The following NSUN7 variants were observed in gnomAD, a reference collection of about 807,000 sequenced individuals.
NSUN7 encodes the protein protein NSUN7.
In NSUN7, 39 loss-of-function variants were observed where a neutral mutation model predicts 58.5. The observed-to-expected ratio is 0.67, with a 90% CI of 0.52 to 0.87. The LOEUF is 0.87. Ranked by LOEUF, NSUN7 falls within the 40% of genes least tolerant of loss-of-function variation. NSUN7 has a pLI of 0.00. For missense variants in NSUN7, 765 were observed against 844.1 expected, an observed-to-expected ratio of 0.91 and a Z score of 1.16; for synonymous variants, 278 against 303.7, an observed-to-expected ratio of 0.92 and a Z score of 0.88.
chr4:40,755,136 C>G (rs1741075500), intron 2 of NSUN7, among the ~76,000 whole-genome samples: 1 of 152,196 alleles, frequency 6.6e-6, no homozygotes, highest in Non-Finnish European at 1.5e-5. Context: ...GTCGCCCAGA[C>G]TGGAGTGCAG....
In NSUN7 at chr4:40,810,577, C is replaced by CAAAAAAAAAAAAAAAAAAA. The variant is rs11405521; in HGVS notation, c.*1644_*1662dup. 1 of 66,378 alleles carries CAAAAAAAAAAAAAAAAAAA rather than the reference C, an allele frequency of 1.5e-5. No individual in the cohort carries two copies. The highest frequency in any genetic ancestry group is 2.7e-5 in the Non-Finnish European group (1 of 36,400). The allele number at this position is 66,378 out of a possible 1,614,324, so 4.1% of individuals were successfully genotyped here. A position where few individuals can be genotyped will look rare whatever the true frequency, so the allele number is the denominator to read the frequency against. On this transcript the variant is annotated 3_prime_UTR_variant, in exon 12 of 12. Coordinates refer to ENST00000381782, the MANE Select transcript of NSUN7 (RefSeq NM_024677.6). ...TGGGAAGCAGAGTGAGACCTTGCCT[C>CAAAAAAAAAAAAAAAAAAA]AAAAAAAAAAAAAAAAAAAAAAAAG...
Position 40,783,213 on chromosome 4 carries a change from T to G in NSUN7, c.1036+6954T>G, listed in dbSNP as rs147500661. Reference sequence around the variant, plus strand: ...AAATTGAAAGTTCAGAAATAAACCCTTACATTTATGGTCAGACTTTCAACA... The same window carrying G: ...AAATTGAAAGTTCAGAAATAAACCCGTACATTTATGGTCAGACTTTCAACA... On this transcript the variant is annotated intron_variant, in intron 7 of 11. Transcript: ENST00000381782. Among the ~76,000 whole-genome samples, 772 of 152,294 alleles carry G rather than the reference T, an allele frequency of 5.1e-3. 2 individuals are homozygous for G. The highest frequency in any genetic ancestry group is 8.1e-3 in the Non-Finnish European group (548 of 68,024).
chr4:40,781,549 C>T (rs1377898990), intron 7 of NSUN7, among the ~76,000 whole-genome samples: 3 of 152,068 alleles, frequency 2.0e-5, no homozygotes, highest in South Asian at 2.1e-4. Context: ...TGGGCCCCAT[C>T]GATACTCCTG....
chr4:40,799,905 TA>T (rs1482693611), intron 10 of NSUN7, among the ~76,000 whole-genome samples: 2 of 152,190 alleles, frequency 1.3e-5, no homozygotes, highest in Non-Finnish European at 2.9e-5. Context: ...TGCAAATTTG[TA>T]ATTTTTTTTG....
At chr4:40,764,198 G>C in intron 4 of NSUN7, among the ~76,000 whole-genome samples, 1 of 148,880 alleles carries the variant, frequency 6.7e-6, no homozygotes, top group South Asian at 2.2e-4. Context: ...TTTAGCATTA[G>C]GTATATCTCC....
intron 4 of NSUN7, among the ~76,000 whole-genome samples, chr4:40,768,315 C>A (rs540835782): frequency 6.6e-6 from 1 of 151,908 alleles, no homozygotes; most frequent in East Asian, 1.9e-4. Flanking sequence ...AGTTCTCCTG[C>A]CTCAGCCTCC....
chr4:40,761,229 T>C lies in NSUN7; in HGVS notation c.416T>C (p.Phe139Ser). Residue 139 changes from phenylalanine (F) to serine (S), a missense_variant, in exon 4 of 12, where the codon TTT (phenylalanine) becomes TCT (serine). Transcript: ENST00000381782. ...VMLYDFQDRK[F>S]QTRVLSDNEE... ...CTATATGATTTCCAAGATAGAAAAT[T>C]TCAAACTCGTGTCCTTTCTGATAAT... is the stretch of plus-strand genomic sequence containing the variant. 1 of 1,585,134 alleles carries C rather than the reference T, an allele frequency of 6.3e-7. No individual in the cohort carries two copies. Among genetic ancestry groups the C allele is most frequent in the Non-Finnish European group, 8.5e-7 (1 of 1,171,054 alleles).
chr4:40,801,901 C>CAAAAAAAAAA (rs56868885), intron 10 of NSUN7, among the ~76,000 whole-genome samples: 5 of 107,376 alleles, frequency 4.7e-5, no homozygotes, highest in Admixed American at 1.8e-4. Context: ...GACTCTGTCT[C>CAAAAAAAAAA]AAAAAAAAAA....
In NSUN7 at chr4:40,750,647, G is replaced by C. The variant is rs758756659; in HGVS notation, c.-47G>C. On this transcript the variant is annotated 5_prime_UTR_variant, in exon 2 of 12. Transcript: ENST00000381782. ...AGGAAAGCCGTTTCCTGGAACATCG[G>C]AATTCTAACCCCAGGGTGAAGGACT... 6.3e-7 allele frequency: 1 copy of C among 1,590,950 alleles called. No individual in the cohort carries two copies. Among genetic ancestry groups the C allele is most frequent in the Non-Finnish European group, 8.6e-7 (1 of 1,167,166 alleles).
At chr4:40,771,921 T>A (rs1282495823) in intron 4 of NSUN7, among the ~76,000 whole-genome samples, 1 of 151,886 alleles carries the variant, frequency 6.6e-6, no homozygotes, top group Non-Finnish European at 1.5e-5. Flanking sequence ...TTTTCATCAT[T>A]GCAGTCCTCC....
chr4:40,803,294 A>G (rs1232005885), intron 10 of NSUN7, among the ~76,000 whole-genome samples: 2 of 152,094 alleles, frequency 1.3e-5, no homozygotes, highest in African/African-American at 2.4e-5. Flanking sequence ...TCCTTTGGGT[A>G]TATACCCAGT....
intron 2 of NSUN7, among the ~76,000 whole-genome samples, chr4:40,751,992 G>A (rs1740858602): frequency 6.6e-6 from 1 of 152,070 alleles, no homozygotes; most frequent in Non-Finnish European, 1.5e-5. Flanking sequence ...AAGACCCTGT[G>A]GAATTGACAC....
At chr4:40,767,668 C>T (rs978041063) in intron 4 of NSUN7, among the ~76,000 whole-genome samples, 4 of 152,128 alleles carry the variant, frequency 2.6e-5, no homozygotes, top group African/African-American at 9.7e-5. Context: ...CTTCACTTAG[C>T]TTGAGCAAAA....
intron 7 of NSUN7, among the ~76,000 whole-genome samples, chr4:40,784,124 A>G (rs140028074): frequency 1.4e-3 from 211 of 152,320 alleles, no homozygotes; most frequent in African/African-American, 4.8e-3. Context: ...TGGCTATAGT[A>G]AAAAACAGGA....
chr4:40,789,175 A>T (rs1415275528), intron 7 of NSUN7, among the ~76,000 whole-genome samples: 2 of 152,208 alleles, frequency 1.3e-5, no homozygotes, highest in Non-Finnish European at 2.9e-5. Context: ...TCTTCTAAAG[A>T]TTCACTTACT....
chr4:40,786,735 G>C, intron 7 of NSUN7: 6 of 1,528,128 alleles, frequency 3.9e-6, no homozygotes, highest in Non-Finnish European at 5.3e-6. Flanking sequence ...TATTATATCT[G>C]TGTGGAGTAG....
chr4:40,788,585 T>C (rs931681327), intron 7 of NSUN7, among the ~76,000 whole-genome samples: 8 of 152,216 alleles, frequency 5.3e-5, no homozygotes, highest in African/African-American at 1.9e-4. Flanking sequence ...CATTGCCAAC[T>C]GCCTCTGTCA....
rs995815742 is a variant in NSUN7 at position 40,805,545 on chromosome 4, G to A, written c.1401-1516G>A. 3.3e-5 allele frequency among the ~76,000 whole-genome samples: 5 copies of A among 152,098 alleles called. No individual in the cohort carries two copies. The South Asian group carries it at 1.0e-3, about 32-fold the overall frequency. On this transcript the variant is annotated intron_variant, in intron 10 of 11. Coordinates refer to ENST00000381782, the MANE Select transcript of NSUN7 (RefSeq NM_024677.6). ...CCACCCAGATAATATCCCTATCTTC[G>A]GGGTAACTAACGTGGGACCTATCCT... is the stretch of plus-strand genomic sequence containing the variant.
intron 8 of NSUN7, among the ~76,000 whole-genome samples, chr4:40,791,531 A>G (rs1340248688): frequency 2.6e-5 from 4 of 152,166 alleles, no homozygotes; most frequent in Non-Finnish European, 4.4e-5. Flanking sequence ...CTTGGATTCA[A>G]ATACAACCAG....
Sources: gnomAD v4.1 joint callset for allele counts (sites outside exome capture counted in the v4.1 genomes callset) on GRCh38, gnomAD v4.1.1 for gene constraint, MANE v1.5 for transcripts, NCBI Gene and HGNC (gene_info 2026-07-23, HGNC 2026-07-21) for gene names.